Variants in GRK5 observed in about 807,000 individuals in gnomAD.
GRK5 encodes the protein G protein-coupled receptor kinase 5.
A neutral mutation model predicts 78.4 loss-of-function variants in GRK5; 40 were observed. The ratio of observed to expected loss-of-function variants is 0.51; its 90% confidence interval spans 0.40 to 0.66. The LOEUF (loss-of-function observed/expected upper bound fraction) is 0.66, where lower values mean the gene tolerates loss of function less well. GRK5 is among the 30% of genes least tolerant of loss of function. The pLI is 0.00. For missense variants in GRK5, 598 were observed against 759.9 expected, an observed-to-expected ratio of 0.79 and a Z score of 2.50; for synonymous variants, 289 against 296.8, an observed-to-expected ratio of 0.97 and a Z score of 0.27.
intron 2 of GRK5, among the ~76,000 whole-genome samples, chr10:119,375,163 C>T (rs958271437): frequency 6.6e-6 from 1 of 152,134 alleles, no homozygotes; most frequent in African/African-American, 2.4e-5. Context: ...CAGTGACATC[C>T]TATGGTGGTC....
intron 3 of GRK5, among the ~76,000 whole-genome samples, chr10:119,385,297 C>T (rs1392606811): frequency 6.6e-6 from 1 of 152,106 alleles, no homozygotes; most frequent in African/African-American, 2.4e-5. Flanking sequence ...CAGGGTCTCA[C>T]TCTGTCATCC....
chr10:119,452,147 T>C lies in GRK5; in HGVS notation c.1405-524T>C, dbSNP rs535112795. On this transcript the variant is annotated intron_variant, in intron 13 of 15. Coordinates refer to ENST00000392870, the MANE Select transcript of GRK5 (RefSeq NM_005308.3). This position sits in a 1 kb window ranked among gnomAD's most constrained non-coding sequence, Gnocchi z 4.4. ...CAGCTCCCAGTTACGGGCGCCAGGC[T>C]CGGTGGCCAGCACTGACAGCAGCCC... is the stretch of plus-strand genomic sequence containing the variant. Among the ~76,000 whole-genome samples, 2 of 152,284 alleles carry C rather than the reference T, an allele frequency of 1.3e-5. No individual in the cohort carries two copies. The highest frequency in any genetic ancestry group is 4.1e-4 in the South Asian group (2 of 4,824).
intron 2 of GRK5, among the ~76,000 whole-genome samples, chr10:119,347,081 G>C (rs996101371): frequency 2.6e-5 from 4 of 152,258 alleles, no homozygotes; most frequent in Admixed American, 2.6e-4. Context: ...CCGGCACCTG[G>C]TTTATCTGAG....
Position 119,271,151 on chromosome 10 carries a change from G to A in GRK5, c.53-55365G>A, listed in dbSNP as rs557451093. On this transcript the variant is annotated intron_variant, in intron 1 of 15. Transcript: ENST00000392870. This position sits in a 1 kb window ranked among gnomAD's most constrained non-coding sequence, Gnocchi z 4.1. ...TAGCACCAGGACCTGGGGTGGCGCCGGCGCCGTTAGGGAGGGAGTGTTCAC... is the reference window on the plus strand; with the variant it reads ...TAGCACCAGGACCTGGGGTGGCGCCAGCGCCGTTAGGGAGGGAGTGTTCAC... 5.3e-5 allele frequency among the ~76,000 whole-genome samples: 8 copies of A among 152,330 alleles called. No individual in the cohort carries two copies. The highest frequency in any genetic ancestry group is 1.2e-4 in the African/African-American group (5 of 41,580).
In GRK5 at chr10:119,458,162, T is replaced by A. The variant is rs1853428687; in HGVS notation, c.*3095T>A. The A allele has an allele frequency of 6.6e-6, 1 of 152,258 alleles. No individual in the cohort carries two copies. Among genetic ancestry groups the A allele is most frequent in the African/African-American group, 2.4e-5 (1 of 41,468 alleles). The allele number at this position is 152,258 out of a possible 1,614,324, so 9.4% of individuals were successfully genotyped here. A position where few individuals can be genotyped will look rare whatever the true frequency, so the allele number is the denominator to read the frequency against. On this transcript the variant is annotated 3_prime_UTR_variant, in exon 16 of 16. Coordinates refer to ENST00000392870, the MANE Select transcript of GRK5 (RefSeq NM_005308.3). ...TCTTGCTCCAGGCATGACATTTTTT[T>A]TCACCAGACGTTCACTGACTTCGTG...
At chr10:119,357,065 G>A (rs1851273701) in intron 2 of GRK5, among the ~76,000 whole-genome samples, 2 of 152,242 alleles carry the variant, frequency 1.3e-5, no homozygotes, top group Admixed American at 6.5e-5. Context: ...AGTGAGGTGT[G>A]AAGGTGGCTG....
rs1388184082 is a variant in GRK5, at chr10:119,271,189, C to T, written c.53-55327C>T. Among the ~76,000 whole-genome samples, 5 of 152,190 alleles carry T rather than the reference C, an allele frequency of 3.3e-5. No homozygotes were observed. Among genetic ancestry groups the T allele is most frequent in the Admixed American group, 2.6e-4 (4 of 15,284 alleles). On this transcript the variant is annotated intron_variant, in intron 1 of 15. Transcript: ENST00000392870. This position sits in a 1 kb window ranked among gnomAD's most constrained non-coding sequence, Gnocchi z 4.1. ...AGGGAGTGTTCACCGGAAACCTGCC[C>T]GGGCCACACGTGTACAGCCACATCC...
At chr10:119,405,582 C>T (rs775545958) in intron 4 of GRK5, among the ~76,000 whole-genome samples, 1 of 150,728 alleles carries the variant, frequency 6.6e-6, no homozygotes, top group African/African-American at 2.5e-5. Flanking sequence ...CAGGCACCAG[C>T]GTCAGGAAGC....
intron 1 of GRK5, among the ~76,000 whole-genome samples, chr10:119,287,399 G>A (rs80144906): frequency 7.1e-6 from 1 of 140,326 alleles, no homozygotes; most frequent in African/African-American, 2.6e-5. Context: ...GAAGAAGGAA[G>A]GGAGGAAAGA....
At chr10:119,279,770 G>C (rs1312793116) in intron 1 of GRK5, among the ~76,000 whole-genome samples, 1 of 152,244 alleles carries the variant, frequency 6.6e-6, no homozygotes, top group African/African-American at 2.4e-5. Flanking sequence ...TGGTGTTCTA[G>C]TGAGTGCTCT....
At chr10:119,415,575 A>C (rs1327683181) in intron 4 of GRK5, among the ~76,000 whole-genome samples, 2 of 152,186 alleles carry the variant, frequency 1.3e-5, no homozygotes, top group African/African-American at 4.8e-5. Context: ...AAACAAGAGA[A>C]GAGAATTCTC....
chr10:119,401,074 T>C (rs1852142573), intron 4 of GRK5, among the ~76,000 whole-genome samples: 1 of 151,852 alleles, frequency 6.6e-6, no homozygotes, highest in Non-Finnish European at 1.5e-5. Context: ...TCAATGTGAG[T>C]TGGTTGGAAT....
At chr10:119,421,887 A>T (rs1056329544) in intron 4 of GRK5, among the ~76,000 whole-genome samples, 11 of 152,184 alleles carry the variant, frequency 7.2e-5, no homozygotes, top group Non-Finnish European at 1.5e-4. Flanking sequence ...AACAGAAAAC[A>T]AGCCACTGAT....
intron 2 of GRK5, among the ~76,000 whole-genome samples, chr10:119,370,690 T>C (rs1851532328): frequency 6.6e-6 from 1 of 152,162 alleles, no homozygotes; most frequent in South Asian, 2.1e-4. Context: ...TTTTCCAGCT[T>C]TGGCAGGAAT....
intron 1 of GRK5, among the ~76,000 whole-genome samples, chr10:119,266,671 G>C (rs1446640164): frequency 1.3e-5 from 2 of 149,348 alleles, no homozygotes; most frequent in Non-Finnish European, 3.0e-5. Flanking sequence ...GATTCTTCAT[G>C]GAGTCAAGGA....
At chr10:119,227,316 C>A (rs1848757136) in intron 1 of GRK5, among the ~76,000 whole-genome samples, 1 of 152,050 alleles carries the variant, frequency 6.6e-6, no homozygotes, top group African/African-American at 2.4e-5. Context: ...CCTATAATCC[C>A]AGCACTTTGG....
At chr10:119,364,229 A>G (rs1431480413) in intron 2 of GRK5, among the ~76,000 whole-genome samples, 1 of 152,194 alleles carries the variant, frequency 6.6e-6, no homozygotes, top group African/African-American at 2.4e-5. Flanking sequence ...ATGTGAATCT[A>G]AGGGGGCTGG....
intron 1 of GRK5, among the ~76,000 whole-genome samples, chr10:119,231,283 A>T (rs1848824659): frequency 6.6e-6 from 1 of 152,198 alleles, no homozygotes. Flanking sequence ...TTCTCAAAAG[A>T]AGACATACAC....
chr10:119,384,509 G>A (rs1036112784), intron 3 of GRK5, among the ~76,000 whole-genome samples: 1 of 152,236 alleles, frequency 6.6e-6, no homozygotes, highest in Non-Finnish European at 1.5e-5. Flanking sequence ...TGGGCGAGGT[G>A]TTAGGTAGAG....
Sources: gnomAD v4.1 joint callset for allele counts (sites outside exome capture counted in the v4.1 genomes callset) on GRCh38, gnomAD v4.1.1 for gene constraint, Gnocchi (gnomAD v3.1) non-coding constraint, MANE v1.5 for transcripts, NCBI Gene and HGNC (gene_info 2026-07-23, HGNC 2026-07-21) for gene names.